The following BBS9 variants were observed in gnomAD, a reference collection of about 807,000 sequenced individuals.
The protein encoded by BBS9 is protein PTHB1.
In BBS9, 89 loss-of-function variants were observed where a neutral mutation model predicts 117.7. The observed-to-expected ratio is 0.76, with a 90% confidence interval of 0.64 to 0.90. The LOEUF is 0.90. Ranked by LOEUF, BBS9 falls within the 40% of genes least tolerant of loss-of-function variation. The pLI is 0.00. For synonymous variants in BBS9, 379 were observed against 370.9 expected (o/e 1.02, Z -0.25); for missense variants, 982 against 1,042.2 (o/e 0.94, Z 0.80).
downstream of BBS9, among the ~76,000 whole-genome samples, chr7:33,606,512 A>G (rs925078091): frequency 3.3e-5 from 5 of 152,316 alleles, no homozygotes; most frequent in African/African-American, 1.2e-4. Flanking sequence ...ACTGGAAAAT[A>G]TATAACTTAT....
At chr7:33,447,834 A>G (rs17170247) in intron 19 of BBS9, among the ~76,000 whole-genome samples, 24,618 of 152,128 alleles carry the variant, frequency 0.16, 2,341 homozygotes, top group South Asian at 0.21. Context: ...GCTGATTTCA[A>G]TGAATAAGGA....
At chr7:33,377,546 A>T (rs1824127286) in intron 17 of BBS9, among the ~76,000 whole-genome samples, 1 of 152,112 alleles carries the variant, frequency 6.6e-6, no homozygotes, top group Non-Finnish European at 1.5e-5. Flanking sequence ...AATTTTTTCT[A>T]GCTCTTGAAG....
intron 19 of BBS9, among the ~76,000 whole-genome samples, chr7:33,417,636 C>A (rs1832220592): frequency 6.6e-6 from 1 of 152,166 alleles, no homozygotes; most frequent in African/African-American, 2.4e-5. Flanking sequence ...TTAGTGGAGT[C>A]TGTTAAGATC....
intron 9 of BBS9, among the ~76,000 whole-genome samples, chr7:33,295,251 T>G (rs779341159): frequency 3.3e-5 from 5 of 152,114 alleles, no homozygotes; most frequent in Non-Finnish European, 7.4e-5. Context: ...TCCTGATATT[T>G]TTCTCCTGTG....
intron 1 of BBS9, among the ~76,000 whole-genome samples, chr7:33,140,000 C>G (rs1791185511): frequency 6.6e-6 from 1 of 151,874 alleles, no homozygotes; most frequent in Non-Finnish European, 1.5e-5. Context: ...AGTGAATGCC[C>G]CTGTTAAGCT....
chr7:33,258,920 A>G (rs1272077420), intron 6 of BBS9, among the ~76,000 whole-genome samples: 1 of 152,214 alleles, frequency 6.6e-6, no homozygotes. Flanking sequence ...ATACCAATCT[A>G]TTAAATTCAT....
intron 21 of BBS9, among the ~76,000 whole-genome samples, chr7:33,581,202 G>A (rs1205291223): frequency 5.9e-5 from 9 of 151,840 alleles, no homozygotes; most frequent in Admixed American, 5.9e-4. Flanking sequence ...ACTTGCTTCG[G>A]GGAAAAAGAC....
intron 21 of BBS9, among the ~76,000 whole-genome samples, chr7:33,566,450 T>C (rs1856944331): frequency 6.6e-6 from 1 of 152,014 alleles, no homozygotes; most frequent in Non-Finnish European, 1.5e-5. Flanking sequence ...ACAGAGAATT[T>C]TGGGAGTAAC....
At chr7:33,562,949 G>A (rs1173022087) in intron 21 of BBS9, among the ~76,000 whole-genome samples, 1 of 151,956 alleles carries the variant, frequency 6.6e-6, no homozygotes, top group East Asian at 1.9e-4. Context: ...AAAAGAGAAA[G>A]GAGACCATTC....
intron 21 of BBS9, among the ~76,000 whole-genome samples, chr7:33,547,873 T>C (rs973029985): frequency 6.6e-6 from 1 of 152,190 alleles, no homozygotes; most frequent in Non-Finnish European, 1.5e-5. Context: ...TTATCCAGTG[T>C]AACAGGGAGT....
At chr7:33,486,630 T>G (rs1355456136) in intron 19 of BBS9, among the ~76,000 whole-genome samples, 14 of 152,196 alleles carry the variant, frequency 9.2e-5, no homozygotes, top group Admixed American at 9.2e-4. Flanking sequence ...AATGAGAGAT[T>G]TGGGGGACAA....
chr7:33,528,850 C>G (rs531244656), intron 20 of BBS9, among the ~76,000 whole-genome samples: 1 of 152,312 alleles, frequency 6.6e-6, no homozygotes, highest in East Asian at 1.9e-4. Context: ...GGAATACTTT[C>G]TTAGTTTATT....
At chr7:33,254,020 C>A (rs1489837717) in intron 5 of BBS9, among the ~76,000 whole-genome samples, 2 of 152,122 alleles carry the variant, frequency 1.3e-5, no homozygotes, top group African/African-American at 4.8e-5. Context: ...AAGAGCTATA[C>A]CAAACTATAT....
intron 21 of BBS9, among the ~76,000 whole-genome samples, chr7:33,584,992 AT>A (rs1257422431): frequency 6.6e-6 from 1 of 151,880 alleles, no homozygotes; most frequent in Non-Finnish European, 1.5e-5. Context: ...CAGAAGATTG[AT>A]TTTGTCTTTT....
downstream of BBS9, among the ~76,000 whole-genome samples, chr7:33,608,709 G>A (rs1298318817): frequency 1.3e-5 from 2 of 152,086 alleles, no homozygotes; most frequent in Middle Eastern, 3.4e-3. Context: ...GGGATTATTT[G>A]TTTTTTGCTT....
intron 5 of BBS9, among the ~76,000 whole-genome samples, chr7:33,220,264 G>C (rs1789985195): frequency 2.0e-5 from 3 of 152,180 alleles, no homozygotes; most frequent in Middle Eastern, 3.2e-3. Context: ...GAAATGATGA[G>C]AAGAGTTTGA....
rs1317691865 is a variant in BBS9, at chr7:33,264,337, C to T, written c.665C>T (p.Thr222Ile). 11 of 1,581,102 alleles carry T rather than the reference C, an allele frequency of 7.0e-6. No individual in the cohort carries two copies. Among genetic ancestry groups the T allele is most frequent in the Non-Finnish European group, 9.5e-6 (11 of 1,163,188 alleles). Reference sequence around the variant, plus strand: ...ACAGATGCAGATAAAAGGCAGGAGACTGAACAGCAAAAACTTGGTTCTGGA... The same window carrying T: ...ACAGATGCAGATAAAAGGCAGGAGATTGAACAGCAAAAACTTGGTTCTGGA... Reference protein sequence around the residue: ...FATDADKRQETEQQKLGSGKR... With the variant: ...FATDADKRQEIEQQKLGSGKR... Residue 222 changes from threonine (T) to isoleucine (I), a missense_variant, in exon 7 of 23, where the codon ACT becomes ATT. Thr to Ile is a moderately conservative substitution (Grantham distance 89). Transcript: ENST00000242067.
chr7:33,597,883 A>AC lies in BBS9; in HGVS notation c.2522-6982_2522-6981insC, dbSNP rs1041436481. 5.3e-4 allele frequency among the ~76,000 whole-genome samples: 81 copies of AC among 151,872 alleles called. 1 individual carries two copies. In the South Asian group the frequency reaches 8.3e-3, roughly 16 times the overall value. On this transcript the variant is annotated intron_variant, in intron 21 of 22. Transcript: ENST00000242067. Reference sequence around the variant, plus strand: ...AAGTGCATGTATACCAAAAAAAAAAAAAAACAAAACAAAAACAAATAGAAG... The same window carrying AC: ...AAGTGCATGTATACCAAAAAAAAAAACAAAACAAAACAAAAACAAATAGAAG...
intron 16 of BBS9, among the ~76,000 whole-genome samples, chr7:33,361,277 TAAC>T (rs1820567478): frequency 6.6e-6 from 1 of 152,234 alleles, no homozygotes; most frequent in African/African-American, 2.4e-5. Context: ...TTAAATGTAA[TAAC>T]AGATAAAATG....
Sources: gnomAD v4.1 joint callset for allele counts (sites outside exome capture counted in the v4.1 genomes callset) on GRCh38, gnomAD v4.1.1 for gene constraint, MANE v1.5 for transcripts, NCBI Gene and HGNC (gene_info 2026-07-23, HGNC 2026-07-21) for gene names.